ADAMTS13: variants seen among roughly 807,000 people sequenced by gnomAD.
The protein encoded by ADAMTS13 is A disintegrin and metalloproteinase with thrombospondin motifs 13.
Under a neutral mutation model 155.1 loss-of-function variants are expected in ADAMTS13, and 110 were observed. The observed-to-expected ratio is 0.71, with a 90% CI of 0.61 to 0.83. The LOEUF (loss-of-function observed/expected upper bound fraction) is 0.83. Ranked by LOEUF, ADAMTS13 falls within the 40% of genes least tolerant of loss-of-function variation. The probability of loss-of-function intolerance (pLI) is 0.00; values close to 1 mark genes in which losing one functional copy is unlikely to be tolerated. For synonymous variants in ADAMTS13, 758 were observed against 756.4 expected (o/e 1.00, Z -0.03); for missense variants, 1,707 against 1,891.7 (o/e 0.90, Z 1.81).
chr9:133,458,695 G>A (rs1041444890), intron 28 of ADAMTS13, among the ~76,000 whole-genome samples: 24 of 151,980 alleles, frequency 1.6e-4, no homozygotes, highest in African/African-American at 1.9e-4. Flanking sequence ...CACCCTCCCC[G>A]AGGTTTCAAG....
chr9:133,419,738 C>CT (rs1047230124), upstream of ADAMTS13, among the ~76,000 whole-genome samples: 16 of 151,478 alleles, frequency 1.1e-4, no homozygotes, highest in East Asian at 1.2e-3. Context: ...AAAGGGTTTT[C>CT]TTTTTTTTTG....
chr9:133,454,315 A>C, intron 23 of ADAMTS13, 100 bp from the exon 24 acceptor site: 4 of 1,409,188 alleles, frequency 2.8e-6, no homozygotes, highest in Non-Finnish European at 4.0e-6. Context: ...GAAGCTGTCT[A>C]GGCAACTGTC....
upstream of ADAMTS13, among the ~76,000 whole-genome samples, chr9:133,419,091 C>T (rs587661853): frequency 4.3e-4 from 66 of 152,262 alleles, 1 homozygote; most frequent in South Asian, 0.013. Flanking sequence ...CCATCCGCCT[C>T]GGCCTCCCAA....
Position 133,459,365 on chromosome 9 carries a change from A to G in ADAMTS13, c.*185A>G, listed in dbSNP as rs587600594. On this transcript the variant is annotated 3_prime_UTR_variant, in exon 29 of 29. Transcript: ENST00000355699. ...GCAGCCCCCATTTCCTCGGGTACCA[A>G]TAAATAAAACATGCAGGCTGACCGG... The G allele has an allele frequency of 1.4e-6, 1 of 721,590 alleles. No homozygotes were observed. Among genetic ancestry groups the G allele is most frequent in the African/African-American group, 1.7e-5 (1 of 57,608 alleles). The allele number at this position is 721,590 out of a possible 1,614,324, so 44.7% of individuals were successfully genotyped here.
intron 23 of ADAMTS13, among the ~76,000 whole-genome samples, chr9:133,453,575 T>TGGCTTGAACCCTGGAGGTTGA (rs1250268990): frequency 6.6e-6 from 1 of 152,048 alleles, no homozygotes; most frequent in Non-Finnish European, 1.5e-5. Context: ...GGTGAGAGGA[T>TGGCTTGAACCCTGGAGGTTGA]GGCTTGAACC....
rs782706998 is a variant in ADAMTS13, at chr9:133,454,578, G to A, written c.3208G>A (p.Ala1070Thr). Reference protein sequence around the residue: ...RPEASVPCLIADCTYRWHVGT... With the variant: ...RPEASVPCLITDCTYRWHVGT... ...CGAGGCCAGTGTCCCCTGTCTCATT[G>A]CCGACTGCACCTACCGCTGGCATGT... is the stretch of plus-strand genomic sequence containing the variant. Residue 1070 changes from alanine (A) to threonine (T), a missense_variant, in exon 24 of 29, where the codon GCC becomes ACC. Physicochemically the swap from Ala to Thr is moderately conservative, Grantham distance 58 (BLOSUM62 0). Transcript: ENST00000355699. 6.2e-7 allele frequency: 1 copy of A among 1,606,424 alleles called. No individual in the cohort carries two copies. Among genetic ancestry groups the A allele is most frequent in the Non-Finnish European group, 8.5e-7 (1 of 1,179,828 alleles).
In ADAMTS13 at chr9:133,436,904, C is replaced by G; in HGVS notation, c.1384C>G (p.Pro462Ala). 1 of 1,588,338 alleles carries G rather than the reference C, an allele frequency of 6.3e-7. No individual in the cohort carries two copies. Among genetic ancestry groups the G allele is most frequent in the Non-Finnish European group, 8.6e-7 (1 of 1,168,300 alleles). Residue 462 changes from proline to alanine, a missense_variant, in exon 12 of 29, where the codon CCT (proline) becomes GCT (alanine). Pro to Ala is a conservative substitution (Grantham distance 27, BLOSUM62 -1). Coordinates refer to ENST00000355699, the MANE Select transcript of ADAMTS13 (RefSeq NM_139027.6). ...CGACGGCCAGCCGCTGCGCTCCTCC[C>G]CTGGCGGCGCCTCCTTCTACCACTG... ...RTDGQPLRSSPGGASFYHWGA... is the reference protein window; with the variant it reads ...RTDGQPLRSSAGGASFYHWGA...
Position 133,429,899 on chromosome 9 carries a change from C to T in ADAMTS13, c.825-40C>T, listed in dbSNP as rs1554786622. ...CCGTCCCGCCTCCTCCCGGTGTACACCCCGGGACTGAGCCGGGCCTGAGCC... is the reference window on the plus strand; with the variant it reads ...CCGTCCCGCCTCCTCCCGGTGTACATCCCGGGACTGAGCCGGGCCTGAGCC... On this transcript the variant is annotated intron_variant, in intron 7 of 28. Coordinates refer to ENST00000355699, the MANE Select transcript of ADAMTS13 (RefSeq NM_139027.6). 9 of 1,533,960 alleles carry T rather than the reference C, an allele frequency of 5.9e-6. No homozygotes were observed. In the South Asian group the frequency reaches 9.5e-5, roughly 16 times the overall value.
At chr9:133,415,340 G>C (rs1554781334) in intron 1 of ADAMTS13, among the ~76,000 whole-genome samples, 2 of 151,648 alleles carry the variant, frequency 1.3e-5, no homozygotes, top group African/African-American at 4.8e-5. Flanking sequence ...TCCCTTTTCA[G>C]CTTATCTAGA....
intron 23 of ADAMTS13, among the ~76,000 whole-genome samples, chr9:133,450,406 T>TA (rs1218760771): frequency 1.3e-5 from 2 of 151,622 alleles, no homozygotes; most frequent in Admixed American, 1.3e-4. Context: ...CTGTCTCTAC[T>TA]AAAAATACAA....
At chr9:133,446,085 C>CG (rs1564433627) in intron 21 of ADAMTS13, among the ~76,000 whole-genome samples, 2 of 152,134 alleles carry the variant, frequency 1.3e-5, no homozygotes, top group African/African-American at 4.8e-5. Context: ...GCAGAGCGGC[C>CG]GGGGGGTCCC....
Position 133,449,755 on chromosome 9 carries a change from T to G in ADAMTS13, c.2862-28T>G, listed in dbSNP as rs781977714. The G allele has an allele frequency of 3.7e-6, 6 of 1,613,086 alleles. No homozygotes were observed. The South Asian group carries it at 5.5e-5, about 15-fold the overall frequency. On this transcript the variant is annotated intron_variant, in intron 22 of 28. Coordinates refer to ENST00000355699, the MANE Select transcript of ADAMTS13 (RefSeq NM_139027.6). Reference sequence around the variant, plus strand: ...TGGGTTCCCAGGCCCTGGGGCTGTTTGGGGTCCCTGACTCCAGTTTGCTCC... The same window carrying G: ...TGGGTTCCCAGGCCCTGGGGCTGTTGGGGGTCCCTGACTCCAGTTTGCTCC...
At chr9:133,449,128 AAATGCAATGAGTG>A (rs1328902521) in intron 22 of ADAMTS13, among the ~76,000 whole-genome samples, 1 of 152,200 alleles carries the variant, frequency 6.6e-6, no homozygotes, top group Non-Finnish European at 1.5e-5. Flanking sequence ...AGTACATGCT[AAATGCAATGAGTG>A]TAAAATGCAT....
rs1045489242 is a variant in ADAMTS13, at chr9:133,441,400, G to A, written c.1968+875G>A. On this transcript the variant is annotated intron_variant, in intron 16 of 28. Transcript: ENST00000355699. This position sits in a 1 kb window ranked among gnomAD's most constrained non-coding sequence, Gnocchi z 5.0. ...ACATTGTATCCAGATGCTAGCTGCC[G>A]AGTGGCTCTCCCATCATCCTCTGCA... 6.6e-6 allele frequency among the ~76,000 whole-genome samples: 1 copy of A among 152,148 alleles called. No homozygotes were observed. Among genetic ancestry groups the A allele is most frequent in the Non-Finnish European group, 1.5e-5 (1 of 68,020 alleles).
In ADAMTS13 at chr9:133,428,644, G is replaced by A. The variant is rs1047417075; in HGVS notation, c.697G>A (p.Glu233Lys). ...CCGCCCCCCGACCAGCTTCGGCCTG[G>A]AGCACGACGGCGCGCCCGGCAGCGG... ...AHEIGHSFGL[E>K]HDGAPGSGCG... is the part of the protein sequence containing the mutation. The change falls in exon 7 of 29, where the codon GAG (glutamate) becomes AAG (lysine). Residue 233 changes from glutamate to lysine, a missense_variant. By Grantham distance (56) the Glu-to-Lys change is moderately conservative. Transcript: ENST00000355699. The A allele has an allele frequency of 2.2e-6, 3 of 1,349,594 alleles. No homozygotes were observed. Among genetic ancestry groups the A allele is most frequent in the Non-Finnish European group, 2.9e-6 (3 of 1,046,556 alleles). The allele number at this position is 1,349,594 out of a possible 1,614,324, so 83.6% of individuals were successfully genotyped here. A position where few individuals can be genotyped will look rare whatever the true frequency, so the allele number is the denominator to read the frequency against.
intron 14 of ADAMTS13, 132 bp from the exon 15 acceptor site, chr9:133,439,232 CAG>C (rs1841481580): frequency 2.4e-5 from 18 of 749,830 alleles, no homozygotes; most frequent in South Asian, 2.1e-4. Flanking sequence ...GCCCCCATGA[CAG>C]GGGACTCACT....
intron 1 of ADAMTS13, among the ~76,000 whole-genome samples, chr9:133,416,564 G>A (rs1274588689): frequency 6.6e-6 from 1 of 152,114 alleles, no homozygotes; most frequent in Non-Finnish European, 1.5e-5. Flanking sequence ...ATCCTAACAG[G>A]AGGTAGCTCC....
Position 133,442,627 on chromosome 9 carries a change from A to G in ADAMTS13, c.2118A>G (p.Val706=). ...CTTCCCTCCCAGGGCTGCGCTGGGT[A>G]AACTACAGCTGCCTGGACCAGGCCA... is the stretch of plus-strand genomic sequence containing the variant. ...SVSCGAGLRW[V]NYSCLDQARK... The change falls in exon 18 of 29, where the codon GTA becomes GTG. Residue 706 remains valine, a synonymous_variant. Transcript: ENST00000355699. The G allele has an allele frequency of 1.2e-6, 2 of 1,613,270 alleles. No individual in the cohort carries two copies. Among genetic ancestry groups the G allele is most frequent in the Non-Finnish European group, 1.7e-6 (2 of 1,180,004 alleles).
chr9:133,445,417 C>T lies in ADAMTS13; in HGVS notation c.2611-282C>T, dbSNP rs1366882218. Among the ~76,000 whole-genome samples the T allele has an allele frequency of 6.6e-6, 1 of 152,184 alleles. No individual in the cohort carries two copies. Among genetic ancestry groups the T allele is most frequent in the Non-Finnish European group, 1.5e-5 (1 of 68,014 alleles). ...TCGCCCCTCATGGCTGGGGGGATTG[C>T]AGGGCCAGGCATGCTCCCATGTCCC... On this transcript the variant is annotated intron_variant, in intron 20 of 28. Coordinates refer to ENST00000355699, the MANE Select transcript of ADAMTS13 (RefSeq NM_139027.6). This position sits in a 1 kb window ranked among gnomAD's most constrained non-coding sequence, Gnocchi z 5.0.
Sources: gnomAD v4.1 joint callset for allele counts (sites outside exome capture counted in the v4.1 genomes callset) on GRCh38, gnomAD v4.1.1 for gene constraint, Gnocchi (gnomAD v3.1) non-coding constraint, MANE v1.5 for transcripts, NCBI Gene and HGNC (gene_info 2026-07-23, HGNC 2026-07-21) for gene names.